Variants in SPRY3 observed in about 807,000 individuals in gnomAD.
The protein encoded by SPRY3 is protein sprouty homolog 3.
SPRY3 carries 15 observed loss-of-function variants against 20.2 expected under a neutral mutation model. That is an observed-to-expected ratio of 0.74 (90% CI 0.50 to 1.14). SPRY3 has a LOEUF of 1.14. Ranked by LOEUF, SPRY3 falls within the 50% of genes most tolerant of loss-of-function variation. SPRY3 has a pLI of 0.00. For synonymous variants in SPRY3, 143 were observed against 136.5 expected (o/e 1.05, Z -0.33); for missense variants, 364 against 363.9 (o/e 1.00, Z 0.00).
chrX:155,635,617 C>T (rs782615979), intron 1 of SPRY3, among the ~76,000 whole-genome samples: 1 of 112,162 alleles, frequency 8.9e-6, no homozygotes, highest in African/African-American at 3.2e-5. Context: ...GAAAAAAGCT[C>T]ATTATCACTG....
intron 2 of SPRY3, among the ~76,000 whole-genome samples, chrX:155,711,661 T>A (rs1223995722): frequency 6.7e-6 from 1 of 150,192 alleles, no homozygotes; most frequent in Admixed American, 6.7e-5. Context: ...TTTATTTCTG[T>A]TCTGATCTTT....
intron 2 of SPRY3, among the ~76,000 whole-genome samples, chrX:155,747,417 T>A (rs1430367816): frequency 6.6e-6 from 1 of 151,996 alleles, no homozygotes; most frequent in African/African-American, 2.4e-5. Flanking sequence ...AAGATTTTCC[T>A]ATTTTCATTT....
At chrX:155,700,485 T>C (rs983517356) in intron 2 of SPRY3, among the ~76,000 whole-genome samples, 4 of 107,086 alleles carry the variant, frequency 3.7e-5, no homozygotes, top group African/African-American at 1.4e-4. Flanking sequence ...ACACCAATGT[T>C]CATAGCAGCA....
Position 155,757,164 on chromosome X carries a change from G to A in SPRY3, c.-281-10798G>A, listed in dbSNP as rs182040454. ...TTTAACATGGTCTGCAAGACTCCAC[G>A]TGATGTAACCCTCTGATACCTCTCT... On this transcript the variant is annotated intron_variant, in intron 2 of 3. Coordinates refer to ENST00000675360, the Ensembl canonical transcript of SPRY3. Among the ~76,000 whole-genome samples the A allele has an allele frequency of 3.7e-4, 56 of 152,262 alleles. 1 individual carries two copies. Among genetic ancestry groups the A allele is most frequent in the Admixed American group, 3.2e-3 (49 of 15,288 alleles).
intron 2 of SPRY3, among the ~76,000 whole-genome samples, chrX:155,731,502 A>G (rs1243334335): frequency 6.6e-6 from 1 of 152,066 alleles, no homozygotes; most frequent in Non-Finnish European, 1.5e-5. Flanking sequence ...GTACAAAAAT[A>G]AAATCTAAAT....
intron 2 of SPRY3, among the ~76,000 whole-genome samples, chrX:155,657,838 C>T (rs978274698): frequency 9.8e-5 from 11 of 112,372 alleles, no homozygotes; most frequent in Admixed American, 8.4e-4. Context: ...TCCCTCATGG[C>T]TTCCCTTGGC....
intron 2 of SPRY3, among the ~76,000 whole-genome samples, chrX:155,723,568 G>A (rs2091076954): frequency 6.6e-6 from 1 of 152,160 alleles, no homozygotes; most frequent in African/African-American, 2.4e-5. Flanking sequence ...TCTGTTGGCT[G>A]CATAAATGTC....
rs202118505 is a variant in SPRY3, at chrX:155,774,573, C to T, written c.702C>T (p.Cys234=). 3.8e-5 allele frequency: 62 copies of T among 1,614,004 alleles called. No homozygotes were observed. The Admixed American group carries it at 9.8e-4, about 26-fold the overall frequency. Reference sequence around the variant, plus strand: ...GCCTCATCTCCCTCTTCCTACCCTGCCTGTGCTGCTACCTGCCTACCCGTG... The same window carrying T: ...GCCTCATCTCCCTCTTCCTACCCTGTCTGTGCTGCTACCTGCCTACCCGTG... Residue 234 remains cysteine, a synonymous_variant, in exon 4 of 4, where the codon TGC becomes TGT. Transcript: ENST00000675360.
At position 155,758,506 on chromosome X, in the gene SPRY3, C is replaced by T. The variant is rs140521790; in HGVS notation, c.-281-9456C>T. On this transcript the variant is annotated intron_variant, in intron 2 of 3. Transcript: ENST00000675360. ...AAGAATCTATGTTCCCTTGGCATTG[C>T]TTACAATGCTGGTGTCACCACTGCT... Among the ~76,000 whole-genome samples the T allele has an allele frequency of 6.0e-3, 910 of 152,300 alleles. 13 individuals carry two copies. The highest frequency in any genetic ancestry group is 0.043 in the East Asian group (224 of 5,182).
chrX:155,759,015 C>T (rs1219332783), intron 2 of SPRY3, among the ~76,000 whole-genome samples: 1 of 151,478 alleles, frequency 6.6e-6, no homozygotes, highest in Non-Finnish European at 1.5e-5. Flanking sequence ...GTTGTTTTGA[C>T]ATCTTTATAT....
In SPRY3 at chrX:155,617,549, C is replaced by T. The variant is rs148332970; in HGVS notation, c.-441+4902C>T. On this transcript the variant is annotated intron_variant, in intron 1 of 3. Coordinates refer to ENST00000675360, the Ensembl canonical transcript of SPRY3. ...ATCAAGAGCTAGATTCCAAGCTGAGCTTGCAGTCTCATTGAACGAAGGAGG... is the reference window on the plus strand; with the variant it reads ...ATCAAGAGCTAGATTCCAAGCTGAGTTTGCAGTCTCATTGAACGAAGGAGG... Among the ~76,000 whole-genome samples, 544 of 111,724 alleles carry T rather than the reference C, an allele frequency of 4.9e-3. 2 individuals are homozygous for T. The highest frequency in any genetic ancestry group is 0.016 in the African/African-American group (498 of 30,736).
intron 2 of SPRY3, among the ~76,000 whole-genome samples, chrX:155,737,416 A>T (rs2091176607): frequency 6.6e-6 from 1 of 152,166 alleles, no homozygotes; most frequent in African/African-American, 2.4e-5. Flanking sequence ...TAGAGGTAAG[A>T]TGCAGACAAG....
At chrX:155,680,354 G>A (rs890601345) in intron 2 of SPRY3, among the ~76,000 whole-genome samples, 5 of 109,805 alleles carry the variant, frequency 4.6e-5, no homozygotes, top group Non-Finnish European at 9.5e-5. Flanking sequence ...ATCACCATGA[G>A]AGAATGGTGA....
At position 155,636,206 on chromosome X, in the gene SPRY3, G is replaced by A. The variant is rs917917008; in HGVS notation, c.-440-20661G>A. Among the ~76,000 whole-genome samples the A allele has an allele frequency of 3.6e-5, 4 of 111,642 alleles. No individual in the cohort carries two copies. In the East Asian group the frequency reaches 8.4e-4, roughly 23 times the overall value. ...GCCAGTGAACCAAAAATCAGGAAAG[G>A]CTACTCTACAGGCTGGAGTGATTGA... On this transcript the variant is annotated intron_variant, in intron 1 of 3. Transcript: ENST00000675360.
At chrX:155,665,606 G>C (rs186976666) in intron 2 of SPRY3, among the ~76,000 whole-genome samples, 126 of 111,252 alleles carry the variant, frequency 1.1e-3, no homozygotes, top group African/African-American at 3.7e-3. Context: ...AGATGCAAAA[G>C]GTATGTACAG....
intron 1 of SPRY3, among the ~76,000 whole-genome samples, chrX:155,642,491 A>G (rs2067945258): frequency 1.8e-5 from 2 of 109,341 alleles, no homozygotes; most frequent in Non-Finnish European, 3.8e-5. Flanking sequence ...TTATCCTCAC[A>G]TTTTTATTAT....
At chrX:155,672,815 C>T in intron 2 of SPRY3, among the ~76,000 whole-genome samples, 1 of 102,499 alleles carries the variant, frequency 9.8e-6, no homozygotes, top group East Asian at 3.1e-4. Context: ...GGAACCAACC[C>T]AAATGTCCAA....
chrX:155,704,635 A>T (rs1197120371), intron 2 of SPRY3, among the ~76,000 whole-genome samples: 1 of 151,678 alleles, frequency 6.6e-6, no homozygotes, highest in Non-Finnish European at 1.5e-5. Flanking sequence ...AATTTTTTTT[A>T]AATTAATGAC....
intron 2 of SPRY3, among the ~76,000 whole-genome samples, chrX:155,731,394 G>C: frequency 6.6e-6 from 1 of 152,102 alleles, no homozygotes; most frequent in East Asian, 1.9e-4. Flanking sequence ...AAGATGCCAA[G>C]AACATACATT....
Sources: allele counts gnomAD v4.1 joint callset (sites outside exome capture counted in the v4.1 genomes callset), GRCh38; gene constraint gnomAD v4.1.1; transcripts MANE v1.5; gene names NCBI Gene and HGNC (gene_info 2026-07-23, HGNC 2026-07-21).